EVX2: variants seen among roughly 807,000 people sequenced by gnomAD.
EVX2 encodes even-skipped homeobox 2, also known as homeobox even-skipped homolog protein 2.
EVX2 carries 10 observed loss-of-function variants against 19.2 expected under a neutral mutation model. That is an observed-to-expected ratio of 0.52 (90% CI 0.32 to 0.89). The LOEUF is 0.89. EVX2 is among the 40% of genes least tolerant of loss of function. The pLI, the probability that EVX2 is intolerant of heterozygous loss-of-function variation, is 0.03. For synonymous variants in EVX2, 354 were observed against 328.4 expected, an observed-to-expected ratio of 1.08 and a Z score of -0.84; for missense variants, 710 against 694.9, an observed-to-expected ratio of 1.02 and a Z score of -0.24.
Position 176,080,512 on chromosome 2 carries a change from A to T in EVX2, c.1026T>A (p.Gly342=). 1 of 1,462,930 alleles carries T rather than the reference A, an allele frequency of 6.8e-7. No individual in the cohort carries two copies. 90.6% of individuals were successfully genotyped at this position (1,462,930 alleles called of 1,614,324 possible). A position where few individuals can be genotyped will look rare whatever the true frequency, so the allele number is the denominator to read the frequency against. Residue 342 remains glycine, a synonymous_variant, in exon 3 of 3, where the codon GGT becomes GGA. Transcript: ENST00000308618. This position sits in a 1 kb window ranked among gnomAD's most constrained non-coding sequence, Gnocchi z 7.0. ...PELLCSFRHP[G]LYQAPAAAAG... ...CGGCGGCCGCGGGAGCCTGGTAGAGACCAGGGTGGCGGAAGCTACACAGCA... is the reference window on the plus strand; with the variant it reads ...CGGCGGCCGCGGGAGCCTGGTAGAGTCCAGGGTGGCGGAAGCTACACAGCA...
In EVX2 at chr2:176,082,647, C is replaced by T. The variant is rs1177532533; in HGVS notation, c.428-198G>A. Among the ~76,000 whole-genome samples the T allele has an allele frequency of 1.3e-5, 2 of 152,150 alleles. No homozygotes were observed. The highest frequency in any genetic ancestry group is 2.9e-5 in the Non-Finnish European group (2 of 68,044). ...GCCCTTCATAAGCAAATAATAGAAACGGAATTAGGAGATTTCTTTTTTAAT... is the reference window on the plus strand; with the variant it reads ...GCCCTTCATAAGCAAATAATAGAAATGGAATTAGGAGATTTCTTTTTTAAT... On this transcript the variant is annotated intron_variant, in intron 1 of 2. Coordinates refer to ENST00000308618, the MANE Select transcript of EVX2 (RefSeq NM_001080458.2). This position sits in a 1 kb window ranked among gnomAD's most constrained non-coding sequence, Gnocchi z 5.2.
Position 176,083,921 on chromosome 2 carries a change from C to T in EVX2, c.-145G>A, listed in dbSNP as rs1689189988. On this transcript the variant is annotated 5_prime_UTR_variant, in exon 1 of 3. Coordinates refer to ENST00000308618, the MANE Select transcript of EVX2 (RefSeq NM_001080458.2). The surrounding 1 kb of genome is among the most constrained non-coding windows in gnomAD (Gnocchi z 4.4). Reference sequence around the variant, plus strand: ...AGGGAGGCGGAAAAATTGTGGGATGCCAGAGCGAGGGAATGACTGGTCAAA... The same window carrying T: ...AGGGAGGCGGAAAAATTGTGGGATGTCAGAGCGAGGGAATGACTGGTCAAA... 1 of 697,930 alleles carries T rather than the reference C, an allele frequency of 1.4e-6. No individual in the cohort carries two copies. Among genetic ancestry groups the T allele is most frequent in the Non-Finnish European group, 2.4e-6 (1 of 422,566 alleles). The allele number at this position is 697,930 out of a possible 1,614,324, so 43.2% of individuals were successfully genotyped here.
In EVX2 at chr2:176,077,982, T is replaced by C. The variant is rs1689078827; in HGVS notation, c.*2125A>G. On this transcript the variant is annotated 3_prime_UTR_variant, in exon 3 of 3. Transcript: ENST00000308618. ...TAAGTTTTAGATCATTGCTATTTCA[T>C]TGGAAAGTTCTCTAATATTTTATGG... 2 of 152,178 alleles carry C rather than the reference T, an allele frequency of 1.3e-5. No homozygotes were observed. Among genetic ancestry groups the C allele is most frequent in the Admixed American group, 6.5e-5 (1 of 15,288 alleles). 9.4% of individuals were successfully genotyped at this position (152,178 alleles called of 1,614,324 possible).
In EVX2 at chr2:176,082,056, C is replaced by G; in HGVS notation, c.699+122G>C. 9.2e-7 allele frequency: 1 copy of G among 1,083,662 alleles called. No homozygotes were observed. The highest frequency in any genetic ancestry group is 1.6e-5 in the African/African-American group (1 of 60,706). The allele number at this position is 1,083,662 out of a possible 1,614,324, so 67.1% of individuals were successfully genotyped here. A position where few individuals can be genotyped will look rare whatever the true frequency, so the allele number is the denominator to read the frequency against. ...ATAAGCCAATTCCTTTGGTGACTACCCCCCGCGGATTTCCAGACCCTTAGC... is the reference window on the plus strand; with the variant it reads ...ATAAGCCAATTCCTTTGGTGACTACGCCCCGCGGATTTCCAGACCCTTAGC... On this transcript the variant is annotated intron_variant, in intron 2 of 2. Transcript: ENST00000308618. This position sits in a 1 kb window ranked among gnomAD's most constrained non-coding sequence, Gnocchi z 5.2.
chr2:176,080,410 GGCCGCCGCCGCCGAGGAGGCCGCAGCC>G lies in EVX2; in HGVS notation c.1101_1127del (p.Ala368_Ala376del). 9.3e-7 allele frequency: 1 copy of G among 1,069,676 alleles called. No individual in the cohort carries two copies. 66.3% of individuals were successfully genotyped at this position (1,069,676 alleles called of 1,614,324 possible). ...CAGAGCCGCCGCTGGGGGGCGCGCCGGCCGCCGCCGCCGAGGAGGCCGCAGCCGCTGCGGCTGCCGCGGCTGCCGCGG... is the reference window on the plus strand; with the variant it reads ...CAGAGCCGCCGCTGGGGGGCGCGCCGGCTGCGGCTGCCGCGGCTGCCGCGG... On this transcript the variant is annotated inframe_deletion, in exon 3 of 3. Coordinates refer to ENST00000308618, the MANE Select transcript of EVX2 (RefSeq NM_001080458.2). The surrounding 1 kb of genome is among the most constrained non-coding windows in gnomAD (Gnocchi z 7.0).
chr2:176,080,063 A>C lies in EVX2; in HGVS notation c.*44T>G. The C allele has an allele frequency of 6.6e-7, 1 of 1,504,258 alleles. No individual in the cohort carries two copies. The highest frequency in any genetic ancestry group is 8.9e-7 in the Non-Finnish European group (1 of 1,125,710). 93.2% of individuals were successfully genotyped at this position (1,504,258 alleles called of 1,614,324 possible). A position where few individuals can be genotyped will look rare whatever the true frequency, so the allele number is the denominator to read the frequency against. ...GGGGGCGCACAGGGGACTCCCGGGC[A>C]CACTCAGAGAGGCGGGCGCGGCCCC... On this transcript the variant is annotated 3_prime_UTR_variant, in exon 3 of 3. Transcript: ENST00000308618. This position sits in a 1 kb window ranked among gnomAD's most constrained non-coding sequence, Gnocchi z 7.0.
chr2:176,081,443 A>G lies in EVX2; in HGVS notation c.700-605T>C, dbSNP rs1392860183. On this transcript the variant is annotated intron_variant, in intron 2 of 2. Transcript: ENST00000308618. This position sits in a 1 kb window ranked among gnomAD's most constrained non-coding sequence, Gnocchi z 5.9. The stretch of plus-strand genomic sequence containing the variant: ...CCTCCCAACACTATCTAATAAAGAC[A>G]TCATTCGTCACAACTCTAAATTAAA... Among the ~76,000 whole-genome samples, 1 of 152,162 alleles carries G rather than the reference A, an allele frequency of 6.6e-6. No individual in the cohort carries two copies. Among genetic ancestry groups the G allele is most frequent in the African/African-American group, 2.4e-5 (1 of 41,438 alleles).
chr2:176,082,331 G>C lies in EVX2; in HGVS notation c.546C>G (p.Gly182=). The C allele has an allele frequency of 6.3e-7, 1 of 1,597,330 alleles. No homozygotes were observed. The part of the protein sequence containing the change: ...SGGSAALGGS[G]SGADQVRRYR... ...AGCGCCGCACTTGATCCGCGCCAGA[G>C]CCGGAGCCACCCAGCGCCGCGCTCC... is the stretch of plus-strand genomic sequence containing the variant. The change falls in exon 2 of 3, where the codon GGC becomes GGG. Residue 182 remains glycine, a synonymous_variant. Transcript: ENST00000308618. The surrounding 1 kb of genome is among the most constrained non-coding windows in gnomAD (Gnocchi z 5.2).
Position 176,080,233 on chromosome 2 carries a change from C to T in EVX2, c.1305G>A (p.Ser435=), listed in dbSNP as rs577351789. ...GGGGAGAGGG[S]DFGCSAAAPR... Reference sequence around the variant, plus strand: ...GCGCCGCCGCGCTGCAGCCGAAGTCCGAGCCTCCCCCGGCCCCGGCGCCCC... The same window carrying T: ...GCGCCGCCGCGCTGCAGCCGAAGTCTGAGCCTCCCCCGGCCCCGGCGCCCC... The change falls in exon 3 of 3, where the codon TCG becomes TCA. Residue 435 remains serine (S), a synonymous_variant. Coordinates refer to ENST00000308618, the MANE Select transcript of EVX2 (RefSeq NM_001080458.2). This position sits in a 1 kb window ranked among gnomAD's most constrained non-coding sequence, Gnocchi z 7.0. 8 of 1,414,612 alleles carry T rather than the reference C, an allele frequency of 5.7e-6. No homozygotes were observed. The highest frequency in any genetic ancestry group is 5.1e-4 in the Middle Eastern group (2 of 3,946). 87.6% of individuals were successfully genotyped at this position (1,414,612 alleles called of 1,614,324 possible). A position where few individuals can be genotyped will look rare whatever the true frequency, so the allele number is the denominator to read the frequency against.
At position 176,079,785 on chromosome 2, in the gene EVX2, G is replaced by T. The variant is rs751415522; in HGVS notation, c.*322C>A. 4.6e-6 allele frequency: 1 copy of T among 215,442 alleles called. No individual in the cohort carries two copies. Among genetic ancestry groups the T allele is most frequent in the African/African-American group, 2.3e-5 (1 of 43,878 alleles). 13.3% of individuals were successfully genotyped at this position (215,442 alleles called of 1,614,324 possible). A position where few individuals can be genotyped will look rare whatever the true frequency, so the allele number is the denominator to read the frequency against. ...GTGCACAGCCAGGACTAGCTTAGGG[G>T]GCGAGGGGTTGGTCTTTGGGAAACC... is the stretch of plus-strand genomic sequence containing the variant. On this transcript the variant is annotated 3_prime_UTR_variant, in exon 3 of 3. Transcript: ENST00000308618. This position sits in a 1 kb window ranked among gnomAD's most constrained non-coding sequence, Gnocchi z 4.4.
Position 176,080,329 on chromosome 2 carries a change from T to C in EVX2, c.1209A>G (p.Ala403=), listed in dbSNP as rs778748066. 3.1e-6 allele frequency: 4 copies of C among 1,274,822 alleles called. No homozygotes were observed. The South Asian group carries it at 7.6e-5, about 24-fold the overall frequency. 79.0% of individuals were successfully genotyped at this position (1,274,822 alleles called of 1,614,324 possible). Residue 403 remains alanine, a synonymous_variant, in exon 3 of 3, where the codon GCA becomes GCG. Coordinates refer to ENST00000308618, the MANE Select transcript of EVX2 (RefSeq NM_001080458.2). The surrounding 1 kb of genome is among the most constrained non-coding windows in gnomAD (Gnocchi z 7.0). ...HSSQSAAAAA[A]AAAAALGSRG... Reference sequence around the variant, plus strand: ...GGGAACCCAGGGCTGCGGCAGCTGCTGCCGCGGCTGCCGCCGCCGACTGAC... The same window carrying C: ...GGGAACCCAGGGCTGCGGCAGCTGCCGCCGCGGCTGCCGCCGCCGACTGAC...
Position 176,080,356 on chromosome 2 carries a change from G to T in EVX2, c.1182C>A (p.Ser394Arg). 8.0e-7 allele frequency: 1 copy of T among 1,247,080 alleles called. No homozygotes were observed. The highest frequency in any genetic ancestry group is 1.0e-6 in the Non-Finnish European group (1 of 980,812). 77.3% of individuals were successfully genotyped at this position (1,247,080 alleles called of 1,614,324 possible). Reference protein sequence around the residue: ...SAPCSCLSCHSSQSAAAAAAA... With the variant: ...SAPCSCLSCHRSQSAAAAAAA... ...CCGCGGCTGCCGCCGCCGACTGACT[G>T]CTGTGGCAACTGAGGCACGAGCAGG... is the stretch of plus-strand genomic sequence containing the variant. Residue 394 changes from serine to arginine, a missense_variant, in exon 3 of 3, where the codon AGC becomes AGA. By Grantham distance (110) the Ser-to-Arg change is moderately radical (BLOSUM62 -1). Coordinates refer to ENST00000308618, the MANE Select transcript of EVX2 (RefSeq NM_001080458.2). This position sits in a 1 kb window ranked among gnomAD's most constrained non-coding sequence, Gnocchi z 7.0.
Position 176,080,392 on chromosome 2 carries a change from G to A in EVX2, c.1146C>T (p.Gly382=), listed in dbSNP as rs1689122673. The A allele has an allele frequency of 9.0e-7, 1 of 1,108,788 alleles. No homozygotes were observed. Among genetic ancestry groups the A allele is most frequent in the Non-Finnish European group, 1.1e-6 (1 of 907,510 alleles). 68.7% of individuals were successfully genotyped at this position (1,108,788 alleles called of 1,614,324 possible). Residue 382 remains glycine (G), a synonymous_variant, in exon 3 of 3, where the codon GGC becomes GGT. Transcript: ENST00000308618. The surrounding 1 kb of genome is among the most constrained non-coding windows in gnomAD (Gnocchi z 7.0). The part of the protein sequence containing the change: ...SAAAAGAPPS[G]GSAPCSCLSC... ...TGAGGCACGAGCAGGGTGCAGAGCC[G>A]CCGCTGGGGGGCGCGCCGGCCGCCG...
rs1328016187 is a variant in EVX2 at position 176,080,155 on chromosome 2, C to G, written c.1383G>C (p.Thr461=). ...CCCTCTGGTCCGGCGGGCTCACGGC[C>G]GTCTTACTAAGCACCGCGGCCGAGT... ...LPYSAAVLSK[T]AVSPPDQRDE... The change falls in exon 3 of 3, where the codon ACG becomes ACC. Residue 461 remains threonine, a synonymous_variant. Coordinates refer to ENST00000308618, the MANE Select transcript of EVX2 (RefSeq NM_001080458.2). This position sits in a 1 kb window ranked among gnomAD's most constrained non-coding sequence, Gnocchi z 7.0. The G allele has an allele frequency of 1.3e-6, 2 of 1,544,136 alleles. No homozygotes were observed. Among genetic ancestry groups the G allele is most frequent in the East Asian group, 2.6e-5 (1 of 37,766 alleles).
Position 176,082,286 on chromosome 2 carries a change from G to T in EVX2, c.591C>A (p.Arg197=). The change falls in exon 2 of 3, where the codon CGC becomes CGA. Residue 197 remains arginine (R), a synonymous_variant. Transcript: ENST00000308618. The surrounding 1 kb of genome is among the most constrained non-coding windows in gnomAD (Gnocchi z 5.2). ...CCTTCTCCAGGCGCGCGATCTGCTC[G>T]CGGGTGAACGCCGTACGGTAGCGCC... ...QVRRYRTAFT[R]EQIARLEKEF... is the part of the protein sequence containing the mutation. 1 of 1,601,690 alleles carries T rather than the reference G, an allele frequency of 6.2e-7. No homozygotes were observed. Among genetic ancestry groups the T allele is most frequent in the Non-Finnish European group, 8.5e-7 (1 of 1,178,736 alleles).
chr2:176,083,902 G>T lies in EVX2; in HGVS notation c.-126C>A. On this transcript the variant is annotated 5_prime_UTR_variant, in exon 1 of 3. Transcript: ENST00000308618. This position sits in a 1 kb window ranked among gnomAD's most constrained non-coding sequence, Gnocchi z 4.4. ...ATATTATTATCGCTTTCGGAGGGAG[G>T]CGGAAAAATTGTGGGATGCCAGAGC... 1 of 868,326 alleles carries T rather than the reference G, an allele frequency of 1.2e-6. No individual in the cohort carries two copies. Among genetic ancestry groups the T allele is most frequent in the Non-Finnish European group, 1.8e-6 (1 of 570,828 alleles). The allele number at this position is 868,326 out of a possible 1,614,324, so 53.8% of individuals were successfully genotyped here. A position where few individuals can be genotyped will look rare whatever the true frequency, so the allele number is the denominator to read the frequency against.
In EVX2 at chr2:176,077,968, T is replaced by C. The variant is rs927208050; in HGVS notation, c.*2139A>G. 1 of 152,176 alleles carries C rather than the reference T, an allele frequency of 6.6e-6. No homozygotes were observed. The highest frequency in any genetic ancestry group is 2.4e-5 in the African/African-American group (1 of 41,460). The allele number at this position is 152,176 out of a possible 1,614,324, so 9.4% of individuals were successfully genotyped here. On this transcript the variant is annotated 3_prime_UTR_variant, in exon 3 of 3. Coordinates refer to ENST00000308618, the MANE Select transcript of EVX2 (RefSeq NM_001080458.2). ...CAAAAACAAAAACTTAAGTTTTAGA[T>C]CATTGCTATTTCATTGGAAAGTTCT...
In EVX2 at chr2:176,080,724, C is replaced by T. The variant is rs780390509; in HGVS notation, c.814G>A (p.Gly272Arg). 2 of 1,607,496 alleles carry T rather than the reference C, an allele frequency of 1.2e-6. No individual in the cohort carries two copies. The highest frequency in any genetic ancestry group is 1.7e-6 in the Non-Finnish European group (2 of 1,179,574). ...GAGTGGAAGGGGTAGGGCAGGCTTC[C>T]GGTGGCGGCCGCGTGCGTCATCATG... ...TYMMTHAAAT[G>R]SLPYPFHSHV... The change falls in exon 3 of 3, where the codon GGA becomes AGA. Residue 272 changes from glycine to arginine, a missense_variant. Gly to Arg is a moderately radical substitution (Grantham distance 125). Transcript: ENST00000308618. The surrounding 1 kb of genome is among the most constrained non-coding windows in gnomAD (Gnocchi z 7.0).
In EVX2 at chr2:176,078,381, G is replaced by A. The variant is rs917659610; in HGVS notation, c.*1726C>T. 1.3e-5 allele frequency: 2 copies of A among 151,994 alleles called. No homozygotes were observed. The highest frequency in any genetic ancestry group is 4.8e-5 in the African/African-American group (2 of 41,360). 9.4% of individuals were successfully genotyped at this position (151,994 alleles called of 1,614,324 possible). ...ACACGTACACACACATACCCACTTCGCTGGGTCTAAACATGCACTAGCAAG... is the reference window on the plus strand; with the variant it reads ...ACACGTACACACACATACCCACTTCACTGGGTCTAAACATGCACTAGCAAG... On this transcript the variant is annotated 3_prime_UTR_variant, in exon 3 of 3. Transcript: ENST00000308618.
Sources: gnomAD v4.1 joint callset for allele counts (sites outside exome capture counted in the v4.1 genomes callset) on GRCh38, gnomAD v4.1.1 for gene constraint, Gnocchi (gnomAD v3.1) non-coding constraint, MANE v1.5 for transcripts, NCBI Gene and HGNC (gene_info 2026-07-23, HGNC 2026-07-21) for gene names.